NKAIN2: variants seen among roughly 807,000 people sequenced by gnomAD.
NKAIN2 encodes sodium/potassium-transporting ATPase subunit beta-1-interacting protein 2.
A neutral mutation model predicts 32.6 loss-of-function variants in NKAIN2; 14 were observed. The ratio of observed to expected loss-of-function variants is 0.43; its 90% CI spans 0.28 to 0.67. The LOEUF (loss-of-function observed/expected upper bound fraction) is 0.67, where lower values mean the gene tolerates loss of function less well. NKAIN2 is among the 30% of genes least tolerant of loss of function. The pLI, the probability that NKAIN2 is intolerant of heterozygous loss-of-function variation, is 0.17. For missense variants in NKAIN2, 198 were observed against 258.3 expected, an observed-to-expected ratio of 0.77 and a Z score of 1.60; for synonymous variants, 80 against 87.2, an observed-to-expected ratio of 0.92 and a Z score of 0.46.
chr6:124,389,507 C>T (rs1300510446), intron 3 of NKAIN2, among the ~76,000 whole-genome samples: 1 of 152,042 alleles, frequency 6.6e-6, no homozygotes. Context: ...TATGTTATCT[C>T]AGTGGAGGGA....
chr6:124,623,756 G>T (rs1231685382), intron 3 of NKAIN2, among the ~76,000 whole-genome samples: 1 of 152,100 alleles, frequency 6.6e-6, no homozygotes. Flanking sequence ...TTTCTTCCTT[G>T]TCTTCCTGGT....
intron 1 of NKAIN2, among the ~76,000 whole-genome samples, chr6:124,018,296 CTG>C (rs986302370): frequency 7.2e-5 from 11 of 152,174 alleles, no homozygotes; most frequent in Non-Finnish European, 1.5e-4. Context: ...CTTCTACACT[CTG>C]GGCCTGTGAT....
At chr6:124,421,085 A>AC (rs1293987930) in intron 3 of NKAIN2, among the ~76,000 whole-genome samples, 4 of 151,464 alleles carry the variant, frequency 2.6e-5, no homozygotes, top group Non-Finnish European at 5.9e-5. Context: ...AAAAAAAAAA[A>AC]AAAAAAAAAC....
intron 1 of NKAIN2, among the ~76,000 whole-genome samples, chr6:124,082,745 G>T (rs1413387301): frequency 2.0e-5 from 3 of 151,746 alleles, no homozygotes; most frequent in Non-Finnish European, 4.4e-5. Flanking sequence ...CTTTTTATTA[G>T]ATTTTCTGTA....
intron 3 of NKAIN2, among the ~76,000 whole-genome samples, chr6:124,404,366 T>C (rs1773755742): frequency 6.6e-6 from 1 of 152,180 alleles, no homozygotes; most frequent in Non-Finnish European, 1.5e-5. Flanking sequence ...CACTATGCCC[T>C]AGCCAAGAGA....
intron 4 of NKAIN2, among the ~76,000 whole-genome samples, chr6:124,701,153 G>GCACACACGCA (rs1774766629): frequency 7.6e-6 from 1 of 132,030 alleles, no homozygotes; most frequent in African/African-American, 2.7e-5. Flanking sequence ...ACACACACAC[G>GCACACACGCA]CACACACACA....
intron 1 of NKAIN2, among the ~76,000 whole-genome samples, chr6:124,263,658 G>T (rs1408780969): frequency 6.6e-6 from 1 of 152,142 alleles, no homozygotes; most frequent in African/African-American, 2.4e-5. Flanking sequence ...AAGGTCTAAG[G>T]TCTAAGAACT....
At chr6:124,811,910 A>G (rs563266318) in intron 5 of NKAIN2, among the ~76,000 whole-genome samples, 1 of 152,324 alleles carries the variant, frequency 6.6e-6, no homozygotes, top group Admixed American at 6.5e-5. Context: ...TCAGAGAACC[A>G]AAGGCAAATC....
At chr6:124,349,811 T>C (rs1798626122) in intron 2 of NKAIN2, among the ~76,000 whole-genome samples, 1 of 152,212 alleles carries the variant, frequency 6.6e-6, no homozygotes, top group Non-Finnish European at 1.5e-5. Context: ...TTTGATTTCA[T>C]CATTGGAGCC....
chr6:124,467,755 A>G (rs1168498653), intron 3 of NKAIN2, among the ~76,000 whole-genome samples: 1 of 152,156 alleles, frequency 6.6e-6, no homozygotes, highest in South Asian at 2.1e-4. Context: ...TAAAACATCA[A>G]AAGGATAATG....
intron 3 of NKAIN2, among the ~76,000 whole-genome samples, chr6:124,449,643 C>T (rs1465092044): frequency 6.6e-6 from 1 of 151,986 alleles, no homozygotes; most frequent in African/African-American, 2.4e-5. Context: ...GACAATTTTA[C>T]GTGCATACAC....
At chr6:124,707,901 C>T (rs1775188153) in intron 4 of NKAIN2, among the ~76,000 whole-genome samples, 1 of 152,048 alleles carries the variant, frequency 6.6e-6, no homozygotes, top group African/African-American at 2.4e-5. Flanking sequence ...GTGTTTTGGA[C>T]ATGAAGTCCT....
chr6:123,885,778 G>A (rs924086076), intron 1 of NKAIN2, among the ~76,000 whole-genome samples: 2 of 151,788 alleles, frequency 1.3e-5, no homozygotes, highest in African/African-American at 2.4e-5. Flanking sequence ...GTTCACCATT[G>A]CCTCTTACTT....
chr6:124,319,986 C>T (rs1482830051), intron 2 of NKAIN2, among the ~76,000 whole-genome samples: 1 of 152,094 alleles, frequency 6.6e-6, no homozygotes, highest in Non-Finnish European at 1.5e-5. Flanking sequence ...TGAAAGATGA[C>T]TTGATCTAAT....
At position 124,341,792 on chromosome 6, in the gene NKAIN2, C is replaced by A. The variant is rs1466596198; in HGVS notation, c.193-13475C>A. Among the ~76,000 whole-genome samples the A allele has an allele frequency of 2.0e-5, 3 of 152,036 alleles. No individual in the cohort carries two copies. In the East Asian group the frequency reaches 5.8e-4, roughly 29 times the overall value. ...AGTGTGTTTTTATGTAGGTGTTTTT[C>A]TTAAGGGACAGGTTTATATAGGTTG... On this transcript the variant is annotated intron_variant, in intron 2 of 6. Transcript: ENST00000368417.
chr6:123,997,640 G>C (rs900856732), intron 1 of NKAIN2, among the ~76,000 whole-genome samples: 1 of 120,184 alleles, frequency 8.3e-6, no homozygotes, highest in African/African-American at 3.3e-5. Flanking sequence ...GTCTCGCTCT[G>C]TTGCCCAGGC....
At chr6:123,944,749 G>T (rs887040420) in intron 1 of NKAIN2, among the ~76,000 whole-genome samples, 1 of 151,504 alleles carries the variant, frequency 6.6e-6, no homozygotes, top group African/African-American at 2.4e-5. Flanking sequence ...ATGCAGCAAT[G>T]ACTTGGACTT....
At chr6:124,033,912 A>G (rs1008584489) in intron 1 of NKAIN2, among the ~76,000 whole-genome samples, 4 of 152,086 alleles carry the variant, frequency 2.6e-5, no homozygotes, top group African/African-American at 9.7e-5. Context: ...TAATAAAAAT[A>G]TTTTCTGTAG....
At chr6:124,617,594 C>T (rs991258123) in intron 3 of NKAIN2, among the ~76,000 whole-genome samples, 2 of 152,256 alleles carry the variant, frequency 1.3e-5, no homozygotes, top group African/African-American at 4.8e-5. Context: ...CCTAGGCATA[C>T]ATTAGCTGCC....
Sources: allele counts gnomAD v4.1 joint callset (sites outside exome capture counted in the v4.1 genomes callset), GRCh38; gene constraint gnomAD v4.1.1; transcripts MANE v1.5; gene names NCBI Gene and HGNC (gene_info 2026-07-23, HGNC 2026-07-21).